SLC24A2: variants seen among roughly 807,000 people sequenced by gnomAD.
SLC24A2 encodes the protein sodium/potassium/calcium exchanger 2.
In SLC24A2, 36 loss-of-function variants were observed where a neutral mutation model predicts 62.0. The observed-to-expected ratio is 0.58, with a 90% confidence interval of 0.44 to 0.77. The LOEUF (loss-of-function observed/expected upper bound fraction) is 0.77, where lower values mean the gene tolerates loss of function less well. Ranked by LOEUF, SLC24A2 falls within the 30% of genes least tolerant of loss-of-function variation. The pLI is 0.00. For synonymous variants in SLC24A2, 358 were observed against 294.0 expected, an observed-to-expected ratio of 1.22 and a Z score of -2.23; for missense variants, 846 against 817.9, an observed-to-expected ratio of 1.03 and a Z score of -0.42.
upstream of SLC24A2, among the ~76,000 whole-genome samples, chr9:19,791,379 G>T: frequency 6.6e-6 from 1 of 152,204 alleles, no homozygotes; most frequent in East Asian, 1.9e-4. Context: ...AGACATAGCT[G>T]CAAGGGAGTG....
At position 19,636,318 on chromosome 9, in the gene SLC24A2, T is replaced by TCTTTTCTTTTCTTTTCTTTTCTTTTC. The variant is rs1554690366; in HGVS notation, c.931-14020_931-14019insGAAAAGAAAAGAAAAGAAAAGAAAAG. 8.6e-3 allele frequency among the ~76,000 whole-genome samples: 278 copies of TCTTTTCTTTTCTTTTCTTTTCTTTTC among 32,216 alleles called. 11 individuals are homozygous for TCTTTTCTTTTCTTTTCTTTTCTTTTC. The highest frequency in any genetic ancestry group is 0.012 in the Admixed American group (40 of 3,258). The allele number at this position is 32,216 out of a possible 152,430, so 21.1% of individuals were successfully genotyped here. A position where few individuals can be genotyped will look rare whatever the true frequency, so the allele number is the denominator to read the frequency against. ...TCTTTTCTTTTCTTTTCTTTTCTTT[T>TCTTTTCTTTTCTTTTCTTTTCTTTTC]CTTTCTTTCTTTCTTTCTTTCTTTC... On this transcript the variant is annotated intron_variant, in intron 2 of 10. Transcript: ENST00000341998.
At chr9:19,554,090 C>T (rs1014288662) in intron 7 of SLC24A2, among the ~76,000 whole-genome samples, 1 of 152,142 alleles carries the variant, frequency 6.6e-6, no homozygotes, top group Non-Finnish European at 1.5e-5. Flanking sequence ...ATCAAATCTA[C>T]CTGGTGTCCT....
the SLC24A2 span, among the ~76,000 whole-genome samples, chr9:20,004,322 G>T: frequency 1.3e-4 from 20 of 152,028 alleles, no homozygotes; most frequent in Non-Finnish European, 2.6e-4. Flanking sequence ...TGTTCAGCTG[G>T]GCCTATGACC....
the SLC24A2 span, among the ~76,000 whole-genome samples, chr9:20,114,867 T>C: frequency 6.6e-6 from 1 of 152,118 alleles, no homozygotes; most frequent in African/African-American, 2.4e-5. Flanking sequence ...CCTGAAAGCT[T>C]GAGAATTTGA....
intron 2 of SLC24A2, among the ~76,000 whole-genome samples, chr9:19,665,656 C>T (rs370870069): frequency 1.2e-3 from 187 of 152,194 alleles, no homozygotes; most frequent in African/African-American, 4.4e-3. Context: ...GACAGGGTTT[C>T]GCTCTGTCAC....
At chr9:19,783,029 T>C (rs576743004) in intron 2 of SLC24A2, among the ~76,000 whole-genome samples, 75 of 152,106 alleles carry the variant, frequency 4.9e-4, no homozygotes, top group African/African-American at 1.8e-3. Context: ...ACACACAAGG[T>C]AGAGAAATTT....
chr9:19,972,658 T>TA, the SLC24A2 span, among the ~76,000 whole-genome samples: 1 of 152,250 alleles, frequency 6.6e-6, no homozygotes, highest in South Asian at 2.1e-4. Flanking sequence ...TCTAATAATC[T>TA]AAAAAAATGA....
At chr9:19,899,515 G>A in the SLC24A2 span, among the ~76,000 whole-genome samples, 1 of 152,258 alleles carries the variant, frequency 6.6e-6, no homozygotes, top group South Asian at 2.1e-4. Context: ...CTTATACCAG[G>A]AGAAGGCCAG....
the SLC24A2 span, among the ~76,000 whole-genome samples, chr9:20,085,258 C>G: frequency 1.3e-5 from 2 of 152,210 alleles, no homozygotes; most frequent in African/African-American, 2.4e-5. Flanking sequence ...CTCAGCCTCC[C>G]AAAATGCTGG....
In SLC24A2 at chr9:19,560,181, G is replaced by C. The variant is rs964638251; in HGVS notation, c.1348-9913C>G. On this transcript the variant is annotated intron_variant, in intron 7 of 10. Coordinates refer to ENST00000341998, the MANE Select transcript of SLC24A2 (RefSeq NM_020344.4). ...AAGGTATGAAAACAGGGAGAGTCTG[G>C]AAGAAGAAAAACCGTTAGACCATAT... Among the ~76,000 whole-genome samples, 69 of 152,258 alleles carry C rather than the reference G, an allele frequency of 4.5e-4. 1 individual carries two copies. The highest frequency in any genetic ancestry group is 1.6e-3 in the African/African-American group (65 of 41,552).
the SLC24A2 span, among the ~76,000 whole-genome samples, chr9:20,224,692 A>T: frequency 6.6e-6 from 1 of 151,634 alleles, no homozygotes; most frequent in Non-Finnish European, 1.5e-5. Context: ...GGCAGAGAAG[A>T]AGAGGGAGGG....
chr9:20,299,843 T>C, the SLC24A2 span, among the ~76,000 whole-genome samples: 1 of 152,230 alleles, frequency 6.6e-6, no homozygotes, highest in Non-Finnish European at 1.5e-5. Context: ...GGACCTCTTA[T>C]TCCAAGTGCA....
At chr9:19,745,354 C>T (rs1324822539) in intron 2 of SLC24A2, among the ~76,000 whole-genome samples, 2 of 152,088 alleles carry the variant, frequency 1.3e-5, no homozygotes, top group African/African-American at 4.8e-5. Context: ...ACTAACACAC[C>T]ACTGAATACT....
chr9:20,085,841 G>C, the SLC24A2 span, among the ~76,000 whole-genome samples: 3 of 152,070 alleles, frequency 2.0e-5, no homozygotes, highest in Non-Finnish European at 2.9e-5. Flanking sequence ...AACCTGACTT[G>C]TTCACTACAT....
chr9:20,160,713 A>T, the SLC24A2 span, among the ~76,000 whole-genome samples: 1 of 151,290 alleles, frequency 6.6e-6, no homozygotes. Context: ...AAAAATAATG[A>T]TGATAAAAAC....
the SLC24A2 span, among the ~76,000 whole-genome samples, chr9:20,042,221 T>C: frequency 1.3e-5 from 2 of 152,154 alleles, no homozygotes; most frequent in Non-Finnish European, 2.9e-5. Flanking sequence ...TATATTTAAA[T>C]AATAAGCAGG....
chr9:20,225,106 G>C, the SLC24A2 span, among the ~76,000 whole-genome samples: 3 of 152,164 alleles, frequency 2.0e-5, no homozygotes, highest in East Asian at 5.8e-4. Context: ...GTTTTCCCTA[G>C]CACAAGAAAG....
the SLC24A2 span, among the ~76,000 whole-genome samples, chr9:20,217,707 C>G: frequency 6.6e-6 from 1 of 152,204 alleles, no homozygotes; most frequent in Non-Finnish European, 1.5e-5. Flanking sequence ...ACCCAAGTCT[C>G]TCACTATACT....
At chr9:20,063,963 C>A in the SLC24A2 span, among the ~76,000 whole-genome samples, 1 of 152,166 alleles carries the variant, frequency 6.6e-6, no homozygotes, top group Admixed American at 6.5e-5. Flanking sequence ...AATAACCCAG[C>A]CATTCTACTC....
Sources: allele counts gnomAD v4.1 joint callset (sites outside exome capture counted in the v4.1 genomes callset), GRCh38; gene constraint gnomAD v4.1.1; transcripts MANE v1.5; gene names NCBI Gene and HGNC (gene_info 2026-07-23, HGNC 2026-07-21).